Variants in CPVL observed in about 807,000 individuals in gnomAD.
The protein encoded by CPVL is probable serine carboxypeptidase CPVL.
Under a neutral mutation model 63.7 loss-of-function variants are expected in CPVL, and 51 were observed. The ratio of observed to expected loss-of-function variants is 0.80; its 90% confidence interval spans 0.64 to 1.01. The LOEUF (loss-of-function observed/expected upper bound fraction) is 1.01, where lower values mean the gene tolerates loss of function less well. Ranked by LOEUF, CPVL falls within the 50% of genes least tolerant of loss-of-function variation. CPVL has a pLI of 0.00. For synonymous variants in CPVL, 195 were observed against 206.0 expected, an observed-to-expected ratio of 0.95 and a Z score of 0.46; for missense variants, 530 against 573.1, an observed-to-expected ratio of 0.92 and a Z score of 0.77.
At chr7:29,156,716 A>G (rs1007859332) in intron 5 of CPVL, among the ~76,000 whole-genome samples, 1 of 152,224 alleles carries the variant, frequency 6.6e-6, no homozygotes, top group African/African-American at 2.4e-5. Context: ...GCGACTATGT[A>G]TTACTCTCCA....
At chr7:29,040,436 C>T (rs942276860) in intron 11 of CPVL, among the ~76,000 whole-genome samples, 3 of 152,168 alleles carry the variant, frequency 2.0e-5, no homozygotes, top group Non-Finnish European at 2.9e-5. Flanking sequence ...ATGCGTTGAC[C>T]TCAGCTGTCC....
chr7:29,060,720 G>C (rs374560960), intron 11 of CPVL, among the ~76,000 whole-genome samples: 18 of 152,278 alleles, frequency 1.2e-4, no homozygotes, highest in African/African-American at 4.3e-4. Flanking sequence ...AGAAACCCAG[G>C]AAGGTCTTCC....
exon 5 of CPVL, chr7:29,181,295 A>C (rs968006571): frequency 4.6e-5 from 7 of 152,204 alleles, no homozygotes; most frequent in African/African-American, 1.7e-4. Context: ...CTCACATTGT[A>C]GTTTGAACTG....
intron 7 of CPVL, among the ~76,000 whole-genome samples, chr7:29,086,232 C>T (rs1785186503): frequency 6.6e-6 from 1 of 151,956 alleles, no homozygotes; most frequent in Non-Finnish European, 1.5e-5. Flanking sequence ...GCGCAGGTTG[C>T]AGTGAGCCGA....
chr7:29,179,923 T>C (rs1797850899), intron 5 of CPVL, among the ~76,000 whole-genome samples: 1 of 152,234 alleles, frequency 6.6e-6, no homozygotes, highest in African/African-American at 2.4e-5. Flanking sequence ...TTTGAAAGCA[T>C]TAAGATAACT....
chr7:29,101,352 G>T (rs1364907612), intron 3 of CPVL, among the ~76,000 whole-genome samples: 1 of 152,176 alleles, frequency 6.6e-6, no homozygotes, highest in African/African-American at 2.4e-5. Context: ...TATAATCCCA[G>T]CACTTTGGGA....
chr7:29,113,228 G>C (rs1167578699), intron 2 of CPVL, among the ~76,000 whole-genome samples: 5 of 152,154 alleles, frequency 3.3e-5, no homozygotes, highest in Non-Finnish European at 7.3e-5. Context: ...GAGTAACAAT[G>C]TGGTGAAGCA....
intron 6 of CPVL, among the ~76,000 whole-genome samples, chr7:29,092,020 G>C (rs1180675943): frequency 6.6e-6 from 1 of 151,868 alleles, no homozygotes; most frequent in Non-Finnish European, 1.5e-5. Context: ...TCTAGGACTT[G>C]GTCTCTAGTA....
intron 11 of CPVL, among the ~76,000 whole-genome samples, chr7:29,049,827 G>A (rs755500710): frequency 6.6e-6 from 1 of 152,132 alleles, no homozygotes; most frequent in African/African-American, 2.4e-5. Context: ...ATGTGATCAA[G>A]TGGGTTTCAT....
intron 5 of CPVL, among the ~76,000 whole-genome samples, chr7:29,177,875 C>T (rs1369180402): frequency 6.6e-6 from 1 of 152,132 alleles, no homozygotes; most frequent in African/African-American, 2.4e-5. Context: ...CTTGACATCT[C>T]CTTAGACATT....
intron 11 of CPVL, among the ~76,000 whole-genome samples, chr7:29,035,805 T>C (rs1238271810): frequency 6.6e-6 from 1 of 152,226 alleles, no homozygotes; most frequent in Non-Finnish European, 1.5e-5. Flanking sequence ...AAACTGTACT[T>C]TGTGGGTCAC....
At chr7:29,070,004 T>C (rs1212977507) in intron 9 of CPVL, among the ~76,000 whole-genome samples, 1 of 152,194 alleles carries the variant, frequency 6.6e-6, no homozygotes, top group East Asian at 1.9e-4. Flanking sequence ...TTTGTTGGAG[T>C]CTTCCTTTGC....
chr7:29,010,654 C>G (rs1785729963), intron 12 of CPVL: 1 of 152,156 alleles, frequency 6.6e-6, no homozygotes, highest in South Asian at 2.1e-4. Context: ...ATTTCATCAT[C>G]TGAAACTTTA....
chr7:29,006,904 G>A (rs753076733), intron 12 of CPVL, among the ~76,000 whole-genome samples: 3 of 89,034 alleles, frequency 3.4e-5, no homozygotes, highest in East Asian at 2.3e-4. Flanking sequence ...TCCATCTTCC[G>A]CCTTATTTGT....
At chr7:29,001,590 C>A (rs552891600) in intron 12 of CPVL, among the ~76,000 whole-genome samples, 1 of 152,094 alleles carries the variant, frequency 6.6e-6, no homozygotes, top group African/African-American at 2.4e-5. Flanking sequence ...AAGTCACTTT[C>A]GAAAGAATGA....
intron 7 of CPVL, among the ~76,000 whole-genome samples, chr7:29,079,939 G>T (rs919093221): frequency 6.6e-6 from 1 of 152,136 alleles, no homozygotes; most frequent in Non-Finnish European, 1.5e-5. Context: ...AAGTCAGAAT[G>T]GGGGACAGAA....
At chr7:29,014,860 G>A (rs1786242418) in intron 12 of CPVL, among the ~76,000 whole-genome samples, 1 of 152,048 alleles carries the variant, frequency 6.6e-6, no homozygotes, top group African/African-American at 2.4e-5. Context: ...TGTTCCTTCA[G>A]AAACAATTCA....
intron 11 of CPVL, among the ~76,000 whole-genome samples, chr7:29,042,249 T>G (rs913516126): frequency 1.3e-5 from 2 of 152,174 alleles, no homozygotes; most frequent in African/African-American, 4.8e-5. Flanking sequence ...CTGCTTGCTA[T>G]TGGCTTGCCC....
At chr7:29,021,218 G>A (rs1481938184) in intron 12 of CPVL, among the ~76,000 whole-genome samples, 1 of 151,808 alleles carries the variant, frequency 6.6e-6, no homozygotes, top group African/African-American at 2.4e-5. Flanking sequence ...CTGAAATTTT[G>A]GATGAAATAG....
Sources: allele counts gnomAD v4.1 joint callset (sites outside exome capture counted in the v4.1 genomes callset), GRCh38; gene constraint gnomAD v4.1.1; transcripts MANE v1.5; gene names NCBI Gene and HGNC (gene_info 2026-07-23, HGNC 2026-07-21).